Variants in LPP observed in about 807,000 individuals in gnomAD.
The protein encoded by LPP is LIM domain containing preferred translocation partner in lipoma, also known as lipoma-preferred partner.
LPP carries 38 observed loss-of-function variants against 60.4 expected under a neutral mutation model. That is an observed-to-expected ratio of 0.63 (90% CI 0.49 to 0.83). LPP has a LOEUF of 0.83. Among genes scored for constraint, LPP ranks in the 40% least tolerant of loss-of-function variants. The pLI is 0.00. For synonymous variants in LPP, 328 were observed against 290.8 expected, an observed-to-expected ratio of 1.13 and a Z score of -1.30; for missense variants, 902 against 783.6, an observed-to-expected ratio of 1.15 and a Z score of -1.80.
chr3:188,632,092 T>A lies in LPP; in HGVS notation c.1113+22248T>A, dbSNP rs1197303467. Among the ~76,000 whole-genome samples, 4 of 152,210 alleles carry A rather than the reference T, an allele frequency of 2.6e-5. No individual in the cohort carries two copies. The East Asian group carries it at 7.7e-4, about 29-fold the overall frequency. On this transcript the variant is annotated intron_variant, in intron 7 of 11. Coordinates refer to ENST00000617246, the MANE Select transcript of LPP (RefSeq NM_001375462.1). Reference sequence around the variant, plus strand: ...GTTTATTTAAAAGTATTTATTTTACTCTGGATACTTCCTCAGAAATAGTTA... The same window carrying A: ...GTTTATTTAAAAGTATTTATTTTACACTGGATACTTCCTCAGAAATAGTTA...
At chr3:188,526,304 T>C (rs1820565692) in intron 6 of LPP, among the ~76,000 whole-genome samples, 1 of 152,186 alleles carries the variant, frequency 6.6e-6, no homozygotes, top group Non-Finnish European at 1.5e-5. Flanking sequence ...TCTTTTTTTT[T>C]TCTTTTATGA....
At chr3:188,174,507 A>G (rs1384413314) in intron 1 of LPP, among the ~76,000 whole-genome samples, 2 of 152,230 alleles carry the variant, frequency 1.3e-5, no homozygotes, top group African/African-American at 4.8e-5. Flanking sequence ...GTGAGGCAGC[A>G]GGTGCACAGT....
chr3:188,472,005 T>C (rs1801970275), intron 4 of LPP, among the ~76,000 whole-genome samples: 1 of 152,178 alleles, frequency 6.6e-6, no homozygotes. Flanking sequence ...GAGCCTAATG[T>C]TCCTGTTCTC....
chr3:188,239,546 A>G (rs1577468998), intron 2 of LPP, among the ~76,000 whole-genome samples: 1 of 152,310 alleles, frequency 6.6e-6, no homozygotes, highest in East Asian at 1.9e-4. Context: ...AAAGAGGGCT[A>G]TCACATTCCT....
intron 3 of LPP, among the ~76,000 whole-genome samples, chr3:188,402,256 A>G (rs1708814255): frequency 6.6e-6 from 1 of 152,128 alleles, no homozygotes; most frequent in African/African-American, 2.4e-5. Context: ...AAACAAGCAG[A>G]AAAAAATGCT....
chr3:188,411,028 C>T (rs1185098653), intron 4 of LPP, among the ~76,000 whole-genome samples: 1 of 152,154 alleles, frequency 6.6e-6, no homozygotes, highest in Non-Finnish European at 1.5e-5. Flanking sequence ...TGGTCTCCAA[C>T]TCTATCCAAG....
intron 1 of LPP, among the ~76,000 whole-genome samples, chr3:188,183,591 T>G (rs1185917182): frequency 1.3e-5 from 2 of 152,178 alleles, no homozygotes; most frequent in Admixed American, 6.5e-5. Flanking sequence ...ACAGACTTCA[T>G]GTAGTGGCCA....
At chr3:188,243,986 C>T (rs1196682831) in intron 2 of LPP, among the ~76,000 whole-genome samples, 1 of 152,202 alleles carries the variant, frequency 6.6e-6, no homozygotes, top group Non-Finnish European at 1.5e-5. Flanking sequence ...AGCGATTCTC[C>T]TGCCTCAGCC....
At chr3:188,863,263 A>G (rs1443320919) in intron 9 of LPP, among the ~76,000 whole-genome samples, 1 of 152,238 alleles carries the variant, frequency 6.6e-6, no homozygotes, top group Non-Finnish European at 1.5e-5. Flanking sequence ...GAAGGAATAA[A>G]TTATTTACCC....
intron 3 of LPP, among the ~76,000 whole-genome samples, chr3:188,380,026 A>G (rs1776436287): frequency 6.6e-6 from 1 of 152,184 alleles, no homozygotes; most frequent in African/African-American, 2.4e-5. Flanking sequence ...GAATGATATG[A>G]CTAGAGATGT....
intron 3 of LPP, among the ~76,000 whole-genome samples, chr3:188,392,410 G>A (rs1024652621): frequency 2.0e-5 from 3 of 152,116 alleles, no homozygotes; most frequent in African/African-American, 7.2e-5. Context: ...AAAAAAGCTT[G>A]CCTACCTTCT....
At chr3:188,537,192 A>C (rs1823862897) in intron 6 of LPP, among the ~76,000 whole-genome samples, 1 of 152,198 alleles carries the variant, frequency 6.6e-6, no homozygotes, top group African/African-American at 2.4e-5. Flanking sequence ...CCAACCAGGA[A>C]GGAAGGAAAG....
At chr3:188,377,800 A>C (rs565499539) in intron 3 of LPP, among the ~76,000 whole-genome samples, 1 of 151,832 alleles carries the variant, frequency 6.6e-6, no homozygotes, top group East Asian at 1.9e-4. Flanking sequence ...TAGAGTTTCC[A>C]GTTTTTCTGC....
At chr3:188,838,413 G>C (rs146517324) in intron 9 of LPP, among the ~76,000 whole-genome samples, 30 of 152,242 alleles carry the variant, frequency 2.0e-4, no homozygotes, top group African/African-American at 6.7e-4. Flanking sequence ...CTAAACATTT[G>C]ACATAATCAG....
At chr3:188,396,066 T>C (rs935362561) in intron 3 of LPP, among the ~76,000 whole-genome samples, 6 of 152,198 alleles carry the variant, frequency 3.9e-5, no homozygotes, top group African/African-American at 1.4e-4. Context: ...AATATGATGT[T>C]CAAAAGGCTG....
intron 5 of LPP, among the ~76,000 whole-genome samples, chr3:188,523,901 A>AGTCCTTGTTTTTAAC (rs11271815): frequency 0.83 from 125,689 of 152,086 alleles, 52,041 homozygotes; most frequent in East Asian, 0.94. Flanking sequence ...TCACTTTATA[A>AGTCCTTGTTTTTAAC]TCCAGACAGA....
intron 6 of LPP, among the ~76,000 whole-genome samples, chr3:188,600,835 GC>G (rs1007682215): frequency 1.4e-4 from 21 of 151,582 alleles, no homozygotes; most frequent in Non-Finnish European, 2.5e-4. Flanking sequence ...TTTGTAACTG[GC>G]TTGTTTCTTC....
At chr3:188,720,701 G>A (rs1253568306) in intron 8 of LPP, among the ~76,000 whole-genome samples, 1 of 151,318 alleles carries the variant, frequency 6.6e-6, no homozygotes, top group Non-Finnish European at 1.5e-5. Context: ...TGTTAGTCAT[G>A]TTGTATTTAA....
chr3:188,637,163 C>G (rs1249296756), intron 7 of LPP, among the ~76,000 whole-genome samples: 2 of 151,674 alleles, frequency 1.3e-5, no homozygotes, highest in South Asian at 2.1e-4. Flanking sequence ...AACAAACTAT[C>G]TCTCAGACCA....
Sources: allele counts gnomAD v4.1 joint callset (sites outside exome capture counted in the v4.1 genomes callset), GRCh38; gene constraint gnomAD v4.1.1; transcripts MANE v1.5; gene names NCBI Gene and HGNC (gene_info 2026-07-23, HGNC 2026-07-21).